FAM20C: variants seen among roughly 807,000 people sequenced by gnomAD.
FAM20C encodes extracellular serine/threonine protein kinase FAM20C.
Under a neutral mutation model 51.5 loss-of-function variants are expected in FAM20C, and 40 were observed. That is an observed-to-expected ratio of 0.78 (90% CI 0.60 to 1.01). The LOEUF (loss-of-function observed/expected upper bound fraction) is 1.01, where lower values mean the gene tolerates loss of function less well. Ranked by LOEUF, FAM20C falls within the 50% of genes least tolerant of loss-of-function variation. The probability of loss-of-function intolerance (pLI) is 0.00; values close to 1 mark genes in which losing one functional copy is unlikely to be tolerated. For missense variants in FAM20C, 861 were observed against 844.7 expected, an observed-to-expected ratio of 1.02 and a Z score of -0.24; for synonymous variants, 406 against 380.6, an observed-to-expected ratio of 1.07 and a Z score of -0.78.
At chr7:248,199 C>T (rs998463877) in intron 4 of FAM20C, 116 bp from the exon 5 acceptor site, 4 of 693,742 alleles carry the variant, frequency 5.8e-6, no homozygotes, top group Non-Finnish European at 9.5e-6. Flanking sequence ...CACAGAGGCC[C>T]GCTGAGCCGC....
At chr7:228,441 CA>C (rs1241326453) in intron 3 of FAM20C, 2 of 456,042 alleles carry the variant, frequency 4.4e-6, no homozygotes, top group African/African-American at 2.0e-5. Context: ...ACTGGCCACC[CA>C]GGGGGCTGGT....
chr7:257,977 A>G lies in FAM20C; in HGVS notation c.1446-669A>G, dbSNP rs184264300. ...ACCCACTGCCTGAGGTGCTGGAGAT[A>G]GGCAGTGTGGACCCACTGCCTGGGG... is the stretch of plus-strand genomic sequence containing the variant. On this transcript the variant is annotated intron_variant, in intron 8 of 9. Transcript: ENST00000313766. Among the ~76,000 whole-genome samples the G allele has an allele frequency of 8.4e-3, 362 of 43,350 alleles. 49 individuals are homozygous for G. Among genetic ancestry groups the G allele is most frequent in the African/African-American group, 0.019 (191 of 10,110 alleles). The allele number at this position is 43,350 out of a possible 152,430, so 28.4% of individuals were successfully genotyped here. A position where few individuals can be genotyped will look rare whatever the true frequency, so the allele number is the denominator to read the frequency against.
intron 8 of FAM20C, among the ~76,000 whole-genome samples, chr7:257,627 A>G (rs1225089981): frequency 1.3e-5 from 2 of 152,104 alleles, no homozygotes; most frequent in Non-Finnish European, 2.9e-5. Flanking sequence ...TTCAATAGCT[A>G]AACTGTGGGC....
intron 3 of FAM20C, chr7:228,594 C>G (rs76449546): frequency 4.4e-6 from 2 of 456,180 alleles, no homozygotes; most frequent in Non-Finnish European, 8.8e-6. Context: ...CTGAGGGCAG[C>G]GTTTCCACAG....
chr7:215,007 G>C (rs567599762), intron 3 of FAM20C, among the ~76,000 whole-genome samples: 1 of 152,054 alleles, frequency 6.6e-6, no homozygotes, highest in Admixed American at 6.6e-5. Context: ...ACCTCTGGAC[G>C]TGGGGAGGCC....
intron 3 of FAM20C, among the ~76,000 whole-genome samples, chr7:245,158 C>T (rs1788100793): frequency 6.6e-6 from 1 of 152,318 alleles, no homozygotes; most frequent in Admixed American, 6.5e-5. Flanking sequence ...AGGACCCGGC[C>T]GGGGAAGCCG....
chr7:216,337 CCT>C (rs1462100683), intron 3 of FAM20C, among the ~76,000 whole-genome samples: 960 of 20,622 alleles, frequency 0.047, 312 homozygotes, highest in Middle Eastern at 0.13. Context: ...GAGCAGGGCC[CCT>C]GGTGTATGGA....
rs555959979 is a variant in FAM20C at position 231,040 on chromosome 7, C to T, written c.864-15375C>T. 7.2e-5 allele frequency among the ~76,000 whole-genome samples: 11 copies of T among 152,246 alleles called. No individual in the cohort carries two copies. In the East Asian group the frequency reaches 7.7e-4, roughly 11 times the overall value. On this transcript the variant is annotated intron_variant, in intron 3 of 9. Transcript: ENST00000313766. ...ATGCAGTGAGCTATGAAAGAAAAGA[C>T]GGCCTGGGAGATGATGCTGGAAGAC...
Position 256,743 on chromosome 7 carries a change from C to A in FAM20C, c.1343C>A (p.Thr448Lys). ...SHRILDVMDM[T>K]IFDFLMGNMD... ...CGCATCCTGGACGTCATGGACATGA[C>A]GATCTTCGACTTCCTCATGGGTACG... The change falls in exon 7 of 10, where the codon ACG (threonine) becomes AAG (lysine). Residue 448 changes from threonine (T) to lysine (K), a missense_variant. By Grantham distance (78) the Thr-to-Lys change is moderately conservative. Around this residue, in one of 3 missense-constraint regions of FAM20C, gnomAD observed 269 missense variants for 283.8 expected, o/e 0.95. Coordinates refer to ENST00000313766, the MANE Select transcript of FAM20C (RefSeq NM_020223.4). 6.5e-7 allele frequency: 1 copy of A among 1,536,144 alleles called. No homozygotes were observed. The highest frequency in any genetic ancestry group is 8.7e-7 in the Non-Finnish European group (1 of 1,146,796).
At chr7:245,385 C>T (rs936681227) in intron 3 of FAM20C, among the ~76,000 whole-genome samples, 2 of 152,168 alleles carry the variant, frequency 1.3e-5, no homozygotes, top group Non-Finnish European at 2.9e-5. Context: ...CTCCCTGGGC[C>T]TGGCATGGGA....
intron 3 of FAM20C, among the ~76,000 whole-genome samples, chr7:223,469 C>T (rs756994988): frequency 9.9e-5 from 15 of 152,246 alleles, no homozygotes; most frequent in Non-Finnish European, 1.9e-4. Flanking sequence ...GTCCTGGTGG[C>T]TGTGGGCCTC....
intron 3 of FAM20C, among the ~76,000 whole-genome samples, chr7:222,628 G>T (rs554687606): frequency 9.9e-4 from 151 of 152,192 alleles, no homozygotes; most frequent in African/African-American, 3.5e-3. Flanking sequence ...CCAAAGGCTG[G>T]AGAGCGGAAG....
Position 260,036 on chromosome 7 carries a change from C to A in FAM20C, c.*56C>A. On this transcript the variant is annotated 3_prime_UTR_variant, in exon 10 of 10. Coordinates refer to ENST00000313766, the MANE Select transcript of FAM20C (RefSeq NM_020223.4). ...GAGACAGAGGCGCCGGACCTCCCAG[C>A]AAGCGCATGCGCCCGTCGTGAATTC... 4.1e-6 allele frequency: 6 copies of A among 1,448,276 alleles called. No homozygotes were observed. The highest frequency in any genetic ancestry group is 4.6e-6 in the Non-Finnish European group (5 of 1,098,444). 89.7% of individuals were successfully genotyped at this position (1,448,276 alleles called of 1,614,324 possible).
At chr7:194,757 A>T (rs1180386876) in intron 1 of FAM20C, among the ~76,000 whole-genome samples, 8 of 149,942 alleles carry the variant, frequency 5.3e-5, no homozygotes, top group Non-Finnish European at 1.2e-4. Context: ...GCGAGTGGCC[A>T]GGAAGTGTAT....
At chr7:241,010 A>C (rs1787931262) in intron 3 of FAM20C, among the ~76,000 whole-genome samples, 1 of 152,188 alleles carries the variant, frequency 6.6e-6, no homozygotes, top group East Asian at 1.9e-4. Context: ...TCTAGAGGGA[A>C]CTGGTGAGGT....
intron 3 of FAM20C, among the ~76,000 whole-genome samples, chr7:216,616 TGTATGA>T (rs1196568060): frequency 2.9e-5 from 3 of 101,708 alleles, no homozygotes; most frequent in Non-Finnish European, 6.1e-5. Flanking sequence ...TGTGTGTGTG[TGTATGA>T]GTGTGTGTGA....
intron 3 of FAM20C, among the ~76,000 whole-genome samples, chr7:217,023 C>G (rs996335366): frequency 1.6e-4 from 25 of 152,092 alleles, no homozygotes; most frequent in Non-Finnish European, 2.9e-4. Context: ...GGCCCTGTGT[C>G]ATGTCTGACT....
At position 208,810 on chromosome 7, in the gene FAM20C, G is replaced by A. The variant is rs539155680; in HGVS notation, c.785-88G>A. Reference sequence around the variant, plus strand: ...CCCCTGGACCATGCCCAGAGGACCCGGATTGCAGCCAAGAGCCCTCGTCCG... The same window carrying A: ...CCCCTGGACCATGCCCAGAGGACCCAGATTGCAGCCAAGAGCCCTCGTCCG... On this transcript the variant is annotated intron_variant, in intron 2 of 9. Transcript: ENST00000313766. 2,572 of 1,368,356 alleles carry A rather than the reference G, an allele frequency of 1.9e-3. 1 individual carries two copies. The highest frequency in any genetic ancestry group is 2.3e-3 in the Non-Finnish European group (2,311 of 992,382). The allele number at this position is 1,368,356 out of a possible 1,614,324, so 84.8% of individuals were successfully genotyped here. A position where few individuals can be genotyped will look rare whatever the true frequency, so the allele number is the denominator to read the frequency against.
chr7:247,963 G>C (rs543010089), intron 4 of FAM20C, among the ~76,000 whole-genome samples: 1 of 152,334 alleles, frequency 6.6e-6, no homozygotes, highest in South Asian at 2.1e-4. Context: ...GGGAGCCTGT[G>C]GTGTGGTTCA....
Sources: allele counts gnomAD v4.1 joint callset (sites outside exome capture counted in the v4.1 genomes callset), GRCh38; gene constraint gnomAD v4.1.1; regional missense constraint gnomAD v4.1.1; transcripts MANE v1.5; gene names NCBI Gene and HGNC (gene_info 2026-07-23, HGNC 2026-07-21).